DST: variants seen among roughly 807,000 people sequenced by gnomAD.
DST encodes the protein dystonin.
A neutral mutation model predicts 875.2 loss-of-function variants in DST; 253 were observed. The observed-to-expected ratio is 0.29, with a 90% CI of 0.26 to 0.32. The LOEUF is 0.32. Ranked by LOEUF, DST falls within the 10% of genes least tolerant of loss-of-function variation. The pLI is 1.00. For missense variants in DST, 8,287 were observed against 9,111.6 expected, an observed-to-expected ratio of 0.91 and a Z score of 3.68; for synonymous variants, 3,124 against 3,197.1, an observed-to-expected ratio of 0.98 and a Z score of 0.77.
intron 2 of DST, among the ~76,000 whole-genome samples, chr6:56,948,529 C>T (rs1404417883): frequency 6.6e-5 from 10 of 152,120 alleles, no homozygotes; most frequent in Admixed American, 3.3e-4. Context: ...CAGAGTGGCA[C>T]GCAATTTCAA....
chr6:56,661,879 C>T (rs543281812), intron 10 of DST, among the ~76,000 whole-genome samples: 76 of 152,234 alleles, frequency 5.0e-4, no homozygotes, highest in African/African-American at 1.7e-3. Context: ...TGAGTCACCG[C>T]GCCCGGCCGA....
At chr6:56,917,230 G>A (rs1277530380) in intron 2 of DST, among the ~76,000 whole-genome samples, 1 of 152,034 alleles carries the variant, frequency 6.6e-6, no homozygotes, top group Non-Finnish European at 1.5e-5. Context: ...TCAAAAATCT[G>A]CTTACTCTGA....
intron 35 of DST, 118 bp from the exon 36 acceptor site, chr6:56,624,746 C>A: frequency 1.4e-6 from 1 of 711,322 alleles, no homozygotes; most frequent in Non-Finnish European, 2.5e-6. Context: ...ACACAACTCC[C>A]CCCATAATAA....
chr6:56,826,385 A>T (rs559203280), intron 4 of DST, among the ~76,000 whole-genome samples: 78 of 152,252 alleles, frequency 5.1e-4, no homozygotes, highest in African/African-American at 1.8e-3. Context: ...AATATTTAAT[A>T]ATTTTATTAT....
At chr6:56,657,607 C>T (rs1379467669) in intron 10 of DST, among the ~76,000 whole-genome samples, 2 of 151,978 alleles carry the variant, frequency 1.3e-5, no homozygotes, top group South Asian at 2.1e-4. Context: ...TAGAGTTTCA[C>T]GGGTACACAG....
chr6:56,608,629 T>C lies in DST; in HGVS notation c.5999A>G (p.Asn2000Ser), dbSNP rs1298304098. ...TTCAACAGTCATTCTTTGGCCAGAG[T>C]TGGAATTGATCAGACCTCCAGAAAG... ...QLLSGGLINS[N>S]SGQRMTVEEA... is the part of the protein sequence containing the mutation. Residue 2000 changes from asparagine (N) to serine (S), a missense_variant, in exon 40 of 104, where the codon AAC (asparagine) becomes AGC (serine). Around this residue, in one of 10 missense-constraint regions of DST, gnomAD observed 3,138 missense variants for 3,116.6 expected, o/e 1.01. Coordinates refer to ENST00000680361, the MANE Select transcript of DST (RefSeq NM_001374736.1). 1.2e-6 allele frequency: 2 copies of C among 1,613,252 alleles called. No homozygotes were observed. The highest frequency in any genetic ancestry group is 1.7e-6 in the Non-Finnish European group (2 of 1,179,592).
chr6:56,508,049 TTC>T (rs1438759792), intron 75 of DST, among the ~76,000 whole-genome samples: 1 of 152,178 alleles, frequency 6.6e-6, no homozygotes. Flanking sequence ...TTTGTTTGTC[TTC>T]TGAGACAGGG....
At chr6:56,748,600 C>G (rs781776988) in intron 4 of DST, among the ~76,000 whole-genome samples, 1 of 152,186 alleles carries the variant, frequency 6.6e-6, no homozygotes, top group Non-Finnish European at 1.5e-5. Context: ...CCAGAACATG[C>G]AATAAACGTC....
In DST at chr6:56,827,374, C is replaced by T. The variant is rs544868805; in HGVS notation, c.625+24023G>A. Among the ~76,000 whole-genome samples, 8 of 151,886 alleles carry T rather than the reference C, an allele frequency of 5.3e-5. 1 individual carries two copies. The highest frequency in any genetic ancestry group is 1.9e-4 in the African/African-American group (8 of 41,432). Reference sequence around the variant, plus strand: ...ACTAAAAATACAAAAATAAGCCAGGCGTGGTGGTGTGTGCCTGCAATCCCA... The same window carrying T: ...ACTAAAAATACAAAAATAAGCCAGGTGTGGTGGTGTGTGCCTGCAATCCCA... On this transcript the variant is annotated intron_variant, in intron 4 of 103. Coordinates refer to ENST00000680361, the MANE Select transcript of DST (RefSeq NM_001374736.1).
intron 82 of DST, among the ~76,000 whole-genome samples, chr6:56,496,357 G>A (rs530266589): frequency 1.6e-4 from 24 of 152,080 alleles, no homozygotes; most frequent in Admixed American, 5.2e-4. Context: ...TAGGAACAGC[G>A]CACAGGTACA....
Position 56,535,193 on chromosome 6 carries a change from C to T in DST, c.16870G>A (p.Glu5624Lys). The change falls in exon 63 of 104, where the codon GAG (glutamate) becomes AAG (lysine). Residue 5624 changes from glutamate to lysine, a missense_variant. Glu to Lys is a moderately conservative substitution (Grantham distance 56). Around this residue, in one of 10 missense-constraint regions of DST, gnomAD observed 777 missense variants for 764.8 expected, o/e 1.02. Coordinates refer to ENST00000680361, the MANE Select transcript of DST (RefSeq NM_001374736.1). The stretch of plus-strand genomic sequence containing the variant: ...GGGGGCTTCTGATTGGCCACAAGCT[C>T]CTCAGTGTCCACCATCCAGCTGAGC... ...SLLSWMVDTE[E>K]LVANQKPPSA... The T allele has an allele frequency of 6.2e-7, 1 of 1,613,854 alleles. No homozygotes were observed. The highest frequency in any genetic ancestry group is 2.2e-5 in the East Asian group (1 of 44,876).
At chr6:56,822,674 G>T (rs1488444670) in intron 4 of DST, among the ~76,000 whole-genome samples, 1 of 151,536 alleles carries the variant, frequency 6.6e-6, no homozygotes, top group African/African-American at 2.4e-5. Flanking sequence ...GATAGAATAG[G>T]TAACATTAAA....
intron 5 of DST, among the ~76,000 whole-genome samples, chr6:56,706,361 A>G (rs1318660162): frequency 2.0e-5 from 3 of 152,100 alleles, no homozygotes; most frequent in Non-Finnish European, 4.4e-5. Flanking sequence ...GTAAATAACC[A>G]AATAAGTTAC....
intron 99 of DST, 88 bp downstream of exon 99, chr6:56,465,989 AC>A: frequency 1.9e-6 from 2 of 1,070,916 alleles, no homozygotes; most frequent in Non-Finnish European, 2.7e-6. Context: ...GGAATAAATG[AC>A]CAAAATTATG....
At chr6:56,866,421 A>G (rs1774144128) in intron 3 of DST, among the ~76,000 whole-genome samples, 1 of 152,222 alleles carries the variant, frequency 6.6e-6, no homozygotes, top group South Asian at 2.1e-4. Flanking sequence ...TACAGAAGCT[A>G]GATCCAGTCT....
chr6:56,891,837 C>T (rs1395987505), intron 3 of DST, among the ~76,000 whole-genome samples: 1 of 152,162 alleles, frequency 6.6e-6, no homozygotes, highest in East Asian at 1.9e-4. Context: ...AAAAAACACT[C>T]CTCAGAATGG....
At position 56,631,913 on chromosome 6, in the gene DST, A is replaced by G. The variant is rs751459635; in HGVS notation, c.3933T>C (p.His1311=). 1 of 1,614,040 alleles carries G rather than the reference A, an allele frequency of 6.2e-7. No homozygotes were observed. The highest frequency in any genetic ancestry group is 8.5e-7 in the Non-Finnish European group (1 of 1,179,938). ...IRTPLERDDL[H]ESVFRITEQE... ...GTTCTGTGATTCTGAACACACTTTC[A>G]TGCAAATCATCTCTTTCCAGGGGAG... The change falls in exon 29 of 104, where the codon CAT becomes CAC. Residue 1311 remains histidine, a synonymous_variant. Transcript: ENST00000680361.
At chr6:56,615,330 T>C in intron 36 of DST, 1 of 1,434,914 alleles carries the variant, frequency 7.0e-7, no homozygotes, top group Non-Finnish European at 9.1e-7. Flanking sequence ...TTGAAGGGCA[T>C]TAAATCTTAT....
At chr6:56,739,672 A>C (rs562643455) in intron 4 of DST, among the ~76,000 whole-genome samples, 1 of 152,216 alleles carries the variant, frequency 6.6e-6, no homozygotes, top group Admixed American at 6.5e-5. Flanking sequence ...GATTGCAGTA[A>C]AGATGCTGAC....
Sources: allele counts gnomAD v4.1 joint callset (sites outside exome capture counted in the v4.1 genomes callset), GRCh38; gene constraint gnomAD v4.1.1; regional missense constraint gnomAD v4.1.1; transcripts MANE v1.5; gene names NCBI Gene and HGNC (gene_info 2026-07-23, HGNC 2026-07-21).